TOX: variants seen among roughly 807,000 people sequenced by gnomAD.
TOX encodes thymocyte selection-associated high mobility group box protein TOX.
A neutral mutation model predicts 53.7 loss-of-function variants in TOX; 11 were observed. That is an observed-to-expected ratio of 0.20 (90% CI 0.13 to 0.34). The LOEUF (loss-of-function observed/expected upper bound fraction) is 0.34. TOX is among the 10% of genes least tolerant of loss of function. TOX has a pLI of 1.00. For synonymous variants in TOX, 225 were observed against 245.3 expected, an observed-to-expected ratio of 0.92 and a Z score of 0.77; for missense variants, 570 against 664.6, an observed-to-expected ratio of 0.86 and a Z score of 1.56.
chr8:58,969,810 A>G (rs923532114), intron 1 of TOX, among the ~76,000 whole-genome samples: 5 of 152,184 alleles, frequency 3.3e-5, no homozygotes, highest in Non-Finnish European at 7.3e-5. Context: ...GAAACATGTC[A>G]AAGCCAAAAC....
intron 3 of TOX, among the ~76,000 whole-genome samples, chr8:58,886,976 C>T (rs1470327774): frequency 6.6e-6 from 1 of 151,744 alleles, no homozygotes; most frequent in Non-Finnish European, 1.5e-5. Context: ...AAACATAAGA[C>T]TAAATTTTAT....
intron 1 of TOX, among the ~76,000 whole-genome samples, chr8:59,082,979 G>C (rs560058137): frequency 6.6e-6 from 1 of 152,236 alleles, no homozygotes; most frequent in Middle Eastern, 3.4e-3. Context: ...AGAATTCACA[G>C]TCAGTCAGGT....
At chr8:59,047,200 ATTGTTTTTTTTTTT>A (rs1563429089) in intron 1 of TOX, among the ~76,000 whole-genome samples, 1 of 115,282 alleles carries the variant, frequency 8.7e-6, no homozygotes, top group Non-Finnish European at 1.8e-5. Flanking sequence ...TCCACCAAGA[ATTGTTTTTTTTTTT>A]TTTTTTTTTT....
chr8:59,087,971 C>T (rs1252283563), intron 1 of TOX, among the ~76,000 whole-genome samples: 1 of 152,152 alleles, frequency 6.6e-6, no homozygotes, highest in Non-Finnish European at 1.5e-5. Flanking sequence ...GGCCCTGGGT[C>T]CTGTGAGTGT....
intron 3 of TOX, among the ~76,000 whole-genome samples, chr8:58,860,461 A>G (rs180690717): frequency 6.6e-6 from 1 of 152,274 alleles, no homozygotes; most frequent in East Asian, 1.9e-4. Context: ...CTGACCTTAA[A>G]TGCTTCCTTA....
chr8:59,001,780 A>G (rs961770415), intron 1 of TOX, among the ~76,000 whole-genome samples: 9 of 152,156 alleles, frequency 5.9e-5, no homozygotes, highest in African/African-American at 2.2e-4. Context: ...AGATGACAAA[A>G]TGATAGTTGC....
chr8:59,045,252 T>C (rs1265746429), intron 1 of TOX, among the ~76,000 whole-genome samples: 2 of 152,234 alleles, frequency 1.3e-5, no homozygotes, highest in Non-Finnish European at 2.9e-5. Flanking sequence ...TTAAACGAGC[T>C]ATATTTAGAA....
intron 3 of TOX, among the ~76,000 whole-genome samples, chr8:58,883,492 C>T (rs962916206): frequency 8.5e-5 from 13 of 152,174 alleles, no homozygotes; most frequent in African/African-American, 2.4e-4. Context: ...TATGCTACAA[C>T]GAAACTTCAT....
At chr8:58,910,683 C>T (rs1330711407) in intron 3 of TOX, among the ~76,000 whole-genome samples, 2 of 152,144 alleles carry the variant, frequency 1.3e-5, no homozygotes, top group Admixed American at 1.3e-4. Context: ...TATCAAGCAC[C>T]TTTTAGAGAG....
chr8:58,937,655 T>C (rs2129176285), intron 3 of TOX, among the ~76,000 whole-genome samples: 1 of 152,220 alleles, frequency 6.6e-6, no homozygotes, highest in South Asian at 2.1e-4. Flanking sequence ...AGAAAGGAGG[T>C]AAATTTTATA....
At chr8:58,872,640 T>G (rs1033695080) in intron 3 of TOX, among the ~76,000 whole-genome samples, 2 of 152,134 alleles carry the variant, frequency 1.3e-5, no homozygotes, top group East Asian at 1.9e-4. Flanking sequence ...TTACCTAATG[T>G]ATCATCATCA....
At chr8:58,958,529 A>C (rs1352868375) in intron 2 of TOX, among the ~76,000 whole-genome samples, 1 of 152,220 alleles carries the variant, frequency 6.6e-6, no homozygotes, top group Non-Finnish European at 1.5e-5. Flanking sequence ...TTGTCAGTAC[A>C]GTTTTGGGAT....
chr8:58,870,216 A>C (rs1811175143), intron 3 of TOX, among the ~76,000 whole-genome samples: 2 of 152,316 alleles, frequency 1.3e-5, no homozygotes, highest in South Asian at 4.1e-4. Context: ...TAATAAGTGA[A>C]TATAGCAAGT....
chr8:58,868,060 A>C (rs1811132779), intron 3 of TOX, among the ~76,000 whole-genome samples: 2 of 152,186 alleles, frequency 1.3e-5, no homozygotes, highest in South Asian at 4.1e-4. Flanking sequence ...GATATAATTG[A>C]ATCATGCAGG....
chr8:58,979,345 G>T (rs1035308134), intron 1 of TOX, among the ~76,000 whole-genome samples: 2 of 152,110 alleles, frequency 1.3e-5, no homozygotes, highest in African/African-American at 4.8e-5. Context: ...TTGTGTTTCA[G>T]GCTATGTTGA....
At chr8:59,108,606 AT>A (rs929628181) in intron 1 of TOX, among the ~76,000 whole-genome samples, 2 of 151,678 alleles carry the variant, frequency 1.3e-5, no homozygotes, top group African/African-American at 4.8e-5. Flanking sequence ...GTTGAGTTTC[AT>A]TTTTTTCTCT....
In TOX at chr8:59,117,375, T is replaced by G. The variant is rs1805120182; in HGVS notation, c.102+1511A>C. Among the ~76,000 whole-genome samples, 1 of 152,218 alleles carries G rather than the reference T, an allele frequency of 6.6e-6. No homozygotes were observed. The highest frequency in any genetic ancestry group is 6.5e-5 in the Admixed American group (1 of 15,276). ...TTCCCCGTACCTTTCAACTTGCCCG[T>G]AGCTGAAGGGCTCCCTGTACAATGG... On this transcript the variant is annotated intron_variant, in intron 1 of 8. Transcript: ENST00000361421. This position sits in a 1 kb window ranked among gnomAD's most constrained non-coding sequence, Gnocchi z 4.6.
chr8:58,987,349 C>G (rs993466131), intron 1 of TOX, among the ~76,000 whole-genome samples: 1 of 152,146 alleles, frequency 6.6e-6, no homozygotes, highest in African/African-American at 2.4e-5. Context: ...GCAGGGACAA[C>G]AGATGCCACT....
At chr8:58,893,692 CCAAA>C (rs1474706674) in intron 3 of TOX, among the ~76,000 whole-genome samples, 4 of 152,138 alleles carry the variant, frequency 2.6e-5, no homozygotes, top group Admixed American at 2.0e-4. Context: ...CTCACAAATA[CCAAA>C]CAAAGTGTTT....
Sources: gnomAD v4.1 joint callset for allele counts (sites outside exome capture counted in the v4.1 genomes callset) on GRCh38, gnomAD v4.1.1 for gene constraint, Gnocchi (gnomAD v3.1) non-coding constraint, MANE v1.5 for transcripts, NCBI Gene and HGNC (gene_info 2026-07-23, HGNC 2026-07-21) for gene names.